TMBIM4: variants seen among roughly 807,000 people sequenced by gnomAD.
TMBIM4 encodes transmembrane BAX inhibitor motif containing 4.
TMBIM4 carries 28 observed loss-of-function variants against 27.7 expected under a neutral mutation model. The observed-to-expected ratio is 1.01, with a 90% CI of 0.75 to 1.38. TMBIM4 has a LOEUF of 1.38. Among genes scored for constraint, TMBIM4 ranks in the 40% most tolerant of loss-of-function variants. The probability of loss-of-function intolerance (pLI) is 0.00; values close to 1 mark genes in which losing one functional copy is unlikely to be tolerated. For missense variants in TMBIM4, 265 were observed against 277.5 expected (o/e 0.95, Z 0.32); for synonymous variants, 115 against 113.1 (o/e 1.02, Z -0.11).
At chr12:66,153,508 A>G in intron 1 of TMBIM4, 60 bp from the exon 2 acceptor site, 2 of 1,030,256 alleles carry the variant, frequency 1.9e-6, no homozygotes, top group South Asian at 3.2e-5. Flanking sequence ...GAACAGTAAA[A>G]TCAAATTTCC....
At position 66,146,566 on chromosome 12, in the gene TMBIM4, TG is replaced by T. The variant is rs529098324; in HGVS notation, c.347-609del. Among the ~76,000 whole-genome samples the T allele has an allele frequency of 5.9e-5, 9 of 152,286 alleles. No individual in the cohort carries two copies. In the South Asian group the frequency reaches 1.9e-3, roughly 32 times the overall value. ...TGTATTATCTTGGAGTACATTATTT[TG>T]GGGTTTACTGAATATATGCCAAATT... On this transcript the variant is annotated intron_variant, in intron 4 of 6. Transcript: ENST00000358230.
chr12:66,140,933 G>A (rs1418454100), intron 5 of TMBIM4, among the ~76,000 whole-genome samples: 1 of 152,132 alleles, frequency 6.6e-6, no homozygotes, highest in African/African-American at 2.4e-5. Flanking sequence ...AAAGATGGCA[G>A]ACTTCTTGTC....
chr12:66,145,119 C>T (rs890701259), intron 5 of TMBIM4, among the ~76,000 whole-genome samples: 13 of 152,102 alleles, frequency 8.5e-5, no homozygotes, highest in Admixed American at 5.2e-4. Context: ...TTAAGCAGCT[C>T]GCGCAATTGT....
At chr12:66,151,118 C>T (rs1047104999) in intron 3 of TMBIM4, among the ~76,000 whole-genome samples, 2 of 152,224 alleles carry the variant, frequency 1.3e-5, no homozygotes, top group African/African-American at 4.8e-5. Context: ...CTGAAACTTT[C>T]AAAGTCATCA....
At chr12:66,160,301 G>T in intron 1 of TMBIM4, 1 of 696,560 alleles carries the variant, frequency 1.4e-6, no homozygotes, top group South Asian at 1.5e-5. Flanking sequence ...AATCTCTCTG[G>T]AGAACTGATT....
intron 5 of TMBIM4, 23 bp downstream of exon 5, chr12:66,145,818 A>G: frequency 7.6e-7 from 1 of 1,312,080 alleles, no homozygotes. Flanking sequence ...TATCTATTAT[A>G]TCCAAGAATA....
chr12:66,154,625 G>A (rs2051902774), intron 1 of TMBIM4, among the ~76,000 whole-genome samples: 1 of 152,138 alleles, frequency 6.6e-6, no homozygotes, highest in Middle Eastern at 3.2e-3. Context: ...AAAAGAAAAT[G>A]TGATGTTGTC....
chr12:66,137,786 T>C lies in TMBIM4; in HGVS notation c.*174A>G, dbSNP rs1427290349. ...AGGTATCATAAAGAATAGTAAGATT[T>C]TAAAGCTCTCAAAATTACATATGAT... On this transcript the variant is annotated 3_prime_UTR_variant, in exon 7 of 7. Coordinates refer to ENST00000358230, the MANE Select transcript of TMBIM4 (RefSeq NM_016056.4). 1.4e-5 allele frequency: 8 copies of C among 586,646 alleles called. No individual in the cohort carries two copies. Among genetic ancestry groups the C allele is most frequent in the African/African-American group, 3.7e-5 (2 of 53,514 alleles). 36.3% of individuals were successfully genotyped at this position (586,646 alleles called of 1,614,324 possible). A position where few individuals can be genotyped will look rare whatever the true frequency, so the allele number is the denominator to read the frequency against.
chr12:66,161,890 C>T (rs1031918440), intron 1 of TMBIM4, among the ~76,000 whole-genome samples: 1 of 152,136 alleles, frequency 6.6e-6, no homozygotes, highest in Admixed American at 6.6e-5. Context: ...AATTGCTTGA[C>T]CCTTAAAACC....
chr12:66,157,403 A>G (rs1018403074), intron 1 of TMBIM4, among the ~76,000 whole-genome samples: 1 of 152,162 alleles, frequency 6.6e-6, no homozygotes, highest in African/African-American at 2.4e-5. Flanking sequence ...GCACTAGCCA[A>G]TATCTTGACC....
intron 3 of TMBIM4, among the ~76,000 whole-genome samples, chr12:66,149,125 A>C (rs2051799359): frequency 6.6e-6 from 1 of 152,056 alleles, no homozygotes; most frequent in Non-Finnish European, 1.5e-5. Flanking sequence ...TGCCAGCAAA[A>C]ATGGTAGCAA....
In TMBIM4 at chr12:66,153,325, ATCTCATTACCTTACC is replaced by A; in HGVS notation, c.206_206+14del. On this transcript the variant is annotated splice_donor_variant and splice_donor_5th_base_variant and coding_sequence_variant and intron_variant, in exon 2 of 7. Coordinates refer to ENST00000358230, the MANE Select transcript of TMBIM4 (RefSeq NM_016056.4). LOFTEE classifies it high-confidence loss of function. The stretch of plus-strand genomic sequence containing the variant: ...CAATGTCTGAAAATTATTCATTACC[ATCTCATTACCTTACC>A]TCTCATGTACAAATGTCCGTACAGA... The A allele has an allele frequency of 7.2e-7, 1 of 1,392,882 alleles. No individual in the cohort carries two copies. Among genetic ancestry groups the A allele is most frequent in the Non-Finnish European group, 1.0e-6 (1 of 1,001,130 alleles). The allele number at this position is 1,392,882 out of a possible 1,614,324, so 86.3% of individuals were successfully genotyped here. A position where few individuals can be genotyped will look rare whatever the true frequency, so the allele number is the denominator to read the frequency against.
intron 1 of TMBIM4, among the ~76,000 whole-genome samples, chr12:66,161,891 C>T (rs763293456): frequency 2.6e-5 from 4 of 152,092 alleles, no homozygotes; most frequent in Non-Finnish European, 5.9e-5. Context: ...ATTGCTTGAC[C>T]CTTAAAACCA....
At chr12:66,161,620 G>A (rs2052042476) in intron 1 of TMBIM4, among the ~76,000 whole-genome samples, 1 of 152,046 alleles carries the variant, frequency 6.6e-6, no homozygotes, top group Non-Finnish European at 1.5e-5. Context: ...ATTTAGTACT[G>A]GTGTAGTCAG....
chr12:66,155,852 A>T (rs972903922), intron 1 of TMBIM4, among the ~76,000 whole-genome samples: 4 of 152,210 alleles, frequency 2.6e-5, no homozygotes, highest in Non-Finnish European at 5.9e-5. Context: ...AATAATATAC[A>T]TCCAGGTGTT....
At chr12:66,157,190 A>G (rs2051950772) in intron 1 of TMBIM4, among the ~76,000 whole-genome samples, 1 of 152,124 alleles carries the variant, frequency 6.6e-6, no homozygotes. Flanking sequence ...TGGGGTCAAT[A>G]GCACCCCATT....
chr12:66,161,165 C>CAA (rs1238075199), intron 1 of TMBIM4: 1 of 152,044 alleles, frequency 6.6e-6, no homozygotes, highest in Non-Finnish European at 1.5e-5. Flanking sequence ...TGTTTTCCAC[C>CAA]AATGAACCTT....
chr12:66,148,095 C>T (rs528661342), intron 3 of TMBIM4, among the ~76,000 whole-genome samples, 154 bp from the exon 4 acceptor site: 1 of 152,222 alleles, frequency 6.6e-6, no homozygotes, highest in South Asian at 2.1e-4. Context: ...AGTAAACCCA[C>T]CATAATGAAA....
In TMBIM4 at chr12:66,139,465, C is replaced by T. The variant is rs141045240; in HGVS notation, c.465-696G>A. On this transcript the variant is annotated intron_variant, in intron 5 of 6. Transcript: ENST00000358230. ...CAGTTCTTGGACACTGGACAGCAAA[C>T]AGCACAGGACAGGGATTCCTGAGAT... Among the ~76,000 whole-genome samples the T allele has an allele frequency of 6.6e-5, 10 of 152,280 alleles. No homozygotes were observed. In the East Asian group the frequency reaches 1.9e-3, roughly 29 times the overall value.
Sources: gnomAD v4.1 joint callset for allele counts (sites outside exome capture counted in the v4.1 genomes callset) on GRCh38, gnomAD v4.1.1 for gene constraint, MANE v1.5 for transcripts, NCBI Gene and HGNC (gene_info 2026-07-23, HGNC 2026-07-21) for gene names.